MAX: variants seen among roughly 807,000 people sequenced by gnomAD.
MAX encodes the protein MYC associated transcriptional regulator X, also known as protein max.
Under a neutral mutation model 22.3 loss-of-function variants are expected in MAX, and 3 were observed. The observed-to-expected ratio is 0.13, with a 90% CI of 0.06 to 0.35. The LOEUF (loss-of-function observed/expected upper bound fraction) is 0.35. Ranked by LOEUF, MAX falls within the 10% of genes least tolerant of loss-of-function variation. MAX has a pLI of 1.00. For missense variants in MAX, 119 were observed against 209.4 expected (o/e 0.57, Z 2.66); for synonymous variants, 72 against 77.7 (o/e 0.93, Z 0.39).
rs957995670 is a variant in MAX at position 65,014,110 on chromosome 14, A to G, written c.172-7826T>C. On this transcript the variant is annotated intron_variant, in intron 3 of 3. Coordinates refer to the MAX transcript ENST00000341653. This position sits in a 1 kb window ranked among gnomAD's most constrained non-coding sequence, Gnocchi z 5.1. ...AGCAGCTTGGGCCAACGGAAAGAACACTGGATTGACTCTAAAAACCTAGGT... is the reference window on the plus strand; with the variant it reads ...AGCAGCTTGGGCCAACGGAAAGAACGCTGGATTGACTCTAAAAACCTAGGT... Among the ~76,000 whole-genome samples the G allele has an allele frequency of 2.0e-5, 3 of 152,136 alleles. No individual in the cohort carries two copies. Among genetic ancestry groups the G allele is most frequent in the African/African-American group, 7.2e-5 (3 of 41,442 alleles).
In MAX at chr14:65,032,764, T is replaced by C; in HGVS notation, c.172-26480A>G. The C allele has an allele frequency of 6.8e-7, 1 of 1,480,224 alleles. No individual in the cohort carries two copies. The highest frequency in any genetic ancestry group is 9.2e-7 in the Non-Finnish European group (1 of 1,092,476). 91.7% of individuals were successfully genotyped at this position (1,480,224 alleles called of 1,614,324 possible). Reference sequence around the variant, plus strand: ...CGGTCACGACACTACTTCAGAAAAATAAAGAAAATGCAGAGGGACTTGGAA... The same window carrying C: ...CGGTCACGACACTACTTCAGAAAAACAAAGAAAATGCAGAGGGACTTGGAA... On this transcript the variant is annotated intron_variant, in intron 3 of 3. Coordinates refer to the MAX transcript ENST00000341653. The surrounding 1 kb of genome is among the most constrained non-coding windows in gnomAD (Gnocchi z 5.0).
At chr14:65,038,608 C>T (rs1038972961) in intron 3 of MAX, among the ~76,000 whole-genome samples, 2 of 151,920 alleles carry the variant, frequency 1.3e-5, no homozygotes, top group Admixed American at 6.6e-5. Context: ...ATCCCACGTA[C>T]TCAGGAGGCT....
At chr14:65,089,533 T>C (rs957069334) in intron 3 of MAX, among the ~76,000 whole-genome samples, 4 of 151,764 alleles carry the variant, frequency 2.6e-5, no homozygotes, top group African/African-American at 9.7e-5. Context: ...GCTAAAGCCA[T>C]CCATGATAAA....
At chr14:65,056,383 T>C (rs1419249894) in intron 3 of MAX, among the ~76,000 whole-genome samples, 1 of 152,188 alleles carries the variant, frequency 6.6e-6, no homozygotes, top group Non-Finnish European at 1.5e-5. Flanking sequence ...TGGGTTCACA[T>C]GTTAGAATGT....
chr14:65,037,556 G>A (rs2062230478), intron 3 of MAX, among the ~76,000 whole-genome samples: 1 of 147,252 alleles, frequency 6.8e-6, no homozygotes, highest in Admixed American at 6.8e-5. Flanking sequence ...TCAGCCTCCT[G>A]AGTAGCTGTG....
At chr14:65,024,282 T>G (rs998875050) in intron 3 of MAX, among the ~76,000 whole-genome samples, 1 of 152,252 alleles carries the variant, frequency 6.6e-6, no homozygotes, top group South Asian at 2.1e-4. Flanking sequence ...GTCCCACCCA[T>G]AGTGATTCCG....
Position 65,030,223 on chromosome 14 carries a change from A to T in MAX, c.172-23939T>A, listed in dbSNP as rs1386569353. Among the ~76,000 whole-genome samples, 1 of 152,186 alleles carries T rather than the reference A, an allele frequency of 6.6e-6. No individual in the cohort carries two copies. The highest frequency in any genetic ancestry group is 1.5e-5 in the Non-Finnish European group (1 of 68,028). The stretch of plus-strand genomic sequence containing the variant: ...CTTTAAGAGGCCTACAATTGCAAGG[A>T]AATTAGACAGATCTTCAAAATTAGC... On this transcript the variant is annotated intron_variant, in intron 3 of 3. Coordinates refer to the MAX transcript ENST00000341653. The surrounding 1 kb of genome is among the most constrained non-coding windows in gnomAD (Gnocchi z 4.5).
At chr14:65,053,781 G>A (rs1038614604) in intron 3 of MAX, among the ~76,000 whole-genome samples, 10 of 152,256 alleles carry the variant, frequency 6.6e-5, no homozygotes, top group Middle Eastern at 3.4e-3. Flanking sequence ...TAGAAAAAGG[G>A]AAATAAAATA....
In MAX at chr14:65,077,976, T is replaced by G. The variant is rs2139754268; in HGVS notation, c.232A>C (p.Asn78His). 1 of 1,614,104 alleles carries G rather than the reference T, an allele frequency of 6.2e-7. No homozygotes were observed. The highest frequency in any genetic ancestry group is 8.5e-7 in the Non-Finnish European group (1 of 1,180,018). Residue 78 changes from asparagine to histidine, a missense_variant, in exon 4 of 5, where the codon AAC (asparagine) becomes CAC (histidine). Asn to His is a moderately conservative substitution (Grantham distance 68). Transcript: ENST00000358664. The surrounding 1 kb of genome is among the most constrained non-coding windows in gnomAD (Gnocchi z 6.3). Reference protein sequence around the residue: ...TEYIQYMRRKNHTHQQDIDDL... With the variant: ...TEYIQYMRRKHHTHQQDIDDL... ...TCAATATCTTGCTGGTGTGTGTGGT[T>G]TTTCCTTCGCATATACTGGATATAT...
intron 3 of MAX, chr14:65,091,974 C>T (rs1407766835): frequency 6.6e-6 from 1 of 152,152 alleles, no homozygotes; most frequent in Non-Finnish European, 1.5e-5. Context: ...AAATGAGCCA[C>T]AACAAATGAC....
rs1462984983 is a variant in MAX at position 65,078,487 on chromosome 14, A to G, written c.172-451T>C. On this transcript the variant is annotated intron_variant, in intron 3 of 4. Coordinates refer to ENST00000358664, the MANE Select transcript of MAX (RefSeq NM_002382.5). This position sits in a 1 kb window ranked among gnomAD's most constrained non-coding sequence, Gnocchi z 6.4. ...CCAAAATGCTGGGATTATAGGTCAC[A>G]GGTGTGAGCCACTGCGCCCAGCCTG... is the stretch of plus-strand genomic sequence containing the variant. Among the ~76,000 whole-genome samples, 1 of 151,234 alleles carries G rather than the reference A, an allele frequency of 6.6e-6. No homozygotes were observed. Among genetic ancestry groups the G allele is most frequent in the Non-Finnish European group, 1.5e-5 (1 of 67,922 alleles).
chr14:65,032,221 C>T lies in MAX; in HGVS notation c.172-25937G>A, dbSNP rs903002137. Reference sequence around the variant, plus strand: ...CAGAAATCCTGGCTCTGAAACAGTACTAACATCCAAATGAATGAGCATATC... The same window carrying T: ...CAGAAATCCTGGCTCTGAAACAGTATTAACATCCAAATGAATGAGCATATC... On this transcript the variant is annotated intron_variant, in intron 3 of 3. Coordinates refer to the MAX transcript ENST00000341653. This position sits in a 1 kb window ranked among gnomAD's most constrained non-coding sequence, Gnocchi z 5.0. The T allele has an allele frequency of 6.2e-6, 1 of 161,838 alleles. No homozygotes were observed. Among genetic ancestry groups the T allele is most frequent in the African/African-American group, 2.4e-5 (1 of 41,678 alleles). The allele number at this position is 161,838 out of a possible 1,614,324, so 10.0% of individuals were successfully genotyped here. A position where few individuals can be genotyped will look rare whatever the true frequency, so the allele number is the denominator to read the frequency against.
In MAX at chr14:65,065,924, G is replaced by A. The variant is rs531684142; in HGVS notation, c.171+27784C>T. Among the ~76,000 whole-genome samples, 44 of 152,296 alleles carry A rather than the reference G, an allele frequency of 2.9e-4. 2 individuals carry two copies. The South Asian group carries it at 8.3e-3, about 29-fold the overall frequency. On this transcript the variant is annotated intron_variant, in intron 3 of 3. Coordinates refer to the MAX transcript ENST00000341653. The stretch of plus-strand genomic sequence containing the variant: ...TGGAGAAACAGGTTGGAGAGCTTAC[G>A]TAAATCACCCAAGGTTTCCCAGCTG...
At position 65,053,393 on chromosome 14, in the gene MAX, G is replaced by C. The variant is rs746510603; in HGVS notation, c.171+40315C>G. The C allele has an allele frequency of 1.3e-5, 17 of 1,354,714 alleles. No homozygotes were observed. In the South Asian group the frequency reaches 3.1e-4, roughly 25 times the overall value. The allele number at this position is 1,354,714 out of a possible 1,614,324, so 83.9% of individuals were successfully genotyped here. A position where few individuals can be genotyped will look rare whatever the true frequency, so the allele number is the denominator to read the frequency against. ...GGGAGGGAAGGGAGAGGGGAGGAGAGAGCAGAGGGGCGTGCACCTCAGGCC... is the reference window on the plus strand; with the variant it reads ...GGGAGGGAAGGGAGAGGGGAGGAGACAGCAGAGGGGCGTGCACCTCAGGCC... On this transcript the variant is annotated intron_variant, in intron 3 of 3. Coordinates refer to the MAX transcript ENST00000341653.
chr14:65,092,035 A>C (rs2063523053), intron 3 of MAX, among the ~76,000 whole-genome samples: 1 of 152,292 alleles, frequency 6.6e-6, no homozygotes, highest in African/African-American at 2.4e-5. Context: ...ACTTCCTTGA[A>C]GAAAGAAAGG....
chr14:65,015,700 C>G (rs1169275119), intron 3 of MAX: 1 of 1,614,176 alleles, frequency 6.2e-7, no homozygotes, highest in Admixed American at 1.7e-5. Context: ...ACCCATCCCC[C>G]AGATAGTGGC....
At chr14:65,051,682 T>A (rs2062614601) in intron 3 of MAX, among the ~76,000 whole-genome samples, 1 of 152,194 alleles carries the variant, frequency 6.6e-6, no homozygotes, top group African/African-American at 2.4e-5. Context: ...GACTGTATCA[T>A]AAACTTTTCA....
At chr14:65,061,228 G>A in intron 3 of MAX, 1 of 1,614,160 alleles carries the variant, frequency 6.2e-7, no homozygotes, top group South Asian at 1.1e-5. Flanking sequence ...AGGTGATCCA[G>A]GCCACTACAT....
chr14:65,026,237 C>T (rs1191311745), intron 3 of MAX, among the ~76,000 whole-genome samples: 2 of 152,202 alleles, frequency 1.3e-5, no homozygotes, highest in Admixed American at 6.5e-5. Flanking sequence ...GCTTGATAAC[C>T]AGGGCTTTCC....
Sources: gnomAD v4.1 joint callset for allele counts (sites outside exome capture counted in the v4.1 genomes callset) on GRCh38, gnomAD v4.1.1 for gene constraint, Gnocchi (gnomAD v3.1) non-coding constraint, MANE v1.5 for transcripts, NCBI Gene and HGNC (gene_info 2026-07-23, HGNC 2026-07-21) for gene names.